The following CSMD1 variants were observed in gnomAD, a reference collection of about 807,000 sequenced individuals.
CSMD1 encodes the protein CUB and sushi domain-containing protein 1.
In CSMD1, 213 loss-of-function variants were observed where a neutral mutation model predicts 417.5. That is an observed-to-expected ratio of 0.51 (90% confidence interval 0.46 to 0.57). CSMD1 has a LOEUF of 0.57. Ranked by LOEUF, CSMD1 falls within the 20% of genes least tolerant of loss-of-function variation. The pLI is 0.00. For synonymous variants in CSMD1, 2,862 were observed against 1,736.8 expected (o/e 1.65, Z -16.11); for missense variants, 6,923 against 4,529.7 (o/e 1.53, Z -15.17).
chr8:3,992,388 T>A (rs1395574940), intron 5 of CSMD1, among the ~76,000 whole-genome samples: 4 of 152,140 alleles, frequency 2.6e-5, no homozygotes, highest in Non-Finnish European at 5.9e-5. Flanking sequence ...TACTATTAAA[T>A]CAATCTAATC....
In CSMD1 at chr8:4,970,037, A is replaced by G. The variant is rs536342981; in HGVS notation, c.85+24295T>C. Among the ~76,000 whole-genome samples, 10 of 152,286 alleles carry G rather than the reference A, an allele frequency of 6.6e-5. No homozygotes were observed. In the South Asian group the frequency reaches 2.1e-3, roughly 32 times the overall value. On this transcript the variant is annotated intron_variant, in intron 1 of 69. Coordinates refer to ENST00000635120, the MANE Select transcript of CSMD1 (RefSeq NM_033225.6). ...GCAATACCTAAAAATTGAAATGCAA[A>G]TGAATGTCCAATAATAGCACACAGA... is the stretch of plus-strand genomic sequence containing the variant.
chr8:4,180,248 T>C (rs1010579489), intron 3 of CSMD1, among the ~76,000 whole-genome samples: 20 of 151,808 alleles, frequency 1.3e-4, no homozygotes, highest in Non-Finnish European at 2.6e-4. Context: ...TATGCAGCAA[T>C]AAAAAATGAT....
rs1554518393 is a variant in CSMD1 at position 3,709,680 on chromosome 8, G to GGCTTTTTT, written c.932-1190_932-1189insAAAAAAGC. On this transcript the variant is annotated intron_variant, in intron 6 of 69. Transcript: ENST00000635120. ...GATGGGCTTTAAATTGCAGCAGCATGTTTTTTTTTTTTTTTTTTTTTTTTT... is the reference window on the plus strand; with the variant it reads ...GATGGGCTTTAAATTGCAGCAGCATGGCTTTTTTTTTTTTTTTTTTTTTTTTTTTTTTT... 4.7e-4 allele frequency among the ~76,000 whole-genome samples: 16 copies of GGCTTTTTT among 33,690 alleles called. 1 individual carries two copies. Among genetic ancestry groups the GGCTTTTTT allele is most frequent in the African/African-American group, 1.4e-3 (13 of 9,430 alleles). The allele number at this position is 33,690 out of a possible 152,430, so 22.1% of individuals were successfully genotyped here.
intron 3 of CSMD1, among the ~76,000 whole-genome samples, chr8:4,371,878 T>C (rs970614341): frequency 5.4e-4 from 82 of 152,338 alleles, no homozygotes; most frequent in Non-Finnish European, 1.2e-4. Context: ...GATTGTGGAC[T>C]GTGGAGGCCA....
At chr8:3,975,879 T>A (rs1037624999) in intron 5 of CSMD1, among the ~76,000 whole-genome samples, 1 of 152,230 alleles carries the variant, frequency 6.6e-6, no homozygotes, top group East Asian at 1.9e-4. Flanking sequence ...ACAAATATTA[T>A]GTTTTCATTA....
At position 4,478,310 on chromosome 8, in the gene CSMD1, G is replaced by C. The variant is rs569639449; in HGVS notation, c.303-58245C>G. Reference sequence around the variant, plus strand: ...TAAAAAGCAACTCAAAGCAACATGAGTTGCCTCATGTGACAGTTTAATTTA... The same window carrying C: ...TAAAAAGCAACTCAAAGCAACATGACTTGCCTCATGTGACAGTTTAATTTA... On this transcript the variant is annotated intron_variant, in intron 2 of 69. Coordinates refer to ENST00000635120, the MANE Select transcript of CSMD1 (RefSeq NM_033225.6). Among the ~76,000 whole-genome samples the C allele has an allele frequency of 2.0e-5, 3 of 152,146 alleles. No individual in the cohort carries two copies. In the South Asian group the frequency reaches 6.2e-4, roughly 32 times the overall value.
intron 3 of CSMD1, among the ~76,000 whole-genome samples, chr8:4,065,284 C>T (rs1369281717): frequency 2.6e-5 from 4 of 152,198 alleles, no homozygotes; most frequent in African/African-American, 9.7e-5. Context: ...TTGGGCAGTG[C>T]TTCCCCATCC....
intron 15 of CSMD1, among the ~76,000 whole-genome samples, chr8:3,402,798 T>G (rs1466344857): frequency 1.3e-5 from 2 of 152,180 alleles, no homozygotes; most frequent in African/African-American, 4.8e-5. Flanking sequence ...TTATAACACT[T>G]GAATTTTATT....
intron 2 of CSMD1, among the ~76,000 whole-genome samples, chr8:4,472,100 C>G (rs137994332): frequency 4.7e-4 from 71 of 152,278 alleles, no homozygotes; most frequent in African/African-American, 1.7e-3. Flanking sequence ...GAGATCTGTT[C>G]TAAAGAATGC....
intron 50 of CSMD1, among the ~76,000 whole-genome samples, chr8:3,032,310 C>A (rs971070792): frequency 5.3e-5 from 8 of 151,606 alleles, no homozygotes; most frequent in African/African-American, 1.7e-4. Flanking sequence ...AGGAGAAATC[C>A]CAAATAATAT....
chr8:4,585,672 A>G (rs1287841747), intron 2 of CSMD1, among the ~76,000 whole-genome samples: 2 of 152,200 alleles, frequency 1.3e-5, no homozygotes, highest in African/African-American at 4.8e-5. Context: ...AGATTTTGCA[A>G]TGGAAAAAAA....
chr8:4,626,307 G>T (rs771029883), intron 2 of CSMD1, among the ~76,000 whole-genome samples: 1 of 151,890 alleles, frequency 6.6e-6, no homozygotes, highest in African/African-American at 2.4e-5. Flanking sequence ...ATTGCGGGGG[G>T]CTGTGCCTTG....
At chr8:3,274,320 T>C (rs1295372492) in intron 26 of CSMD1, among the ~76,000 whole-genome samples, 1 of 152,120 alleles carries the variant, frequency 6.6e-6, no homozygotes, top group South Asian at 2.1e-4. Flanking sequence ...TGTTCTTTTA[T>C]ATTTGCTGAG....
At chr8:4,046,630 T>A (rs1486300395) in intron 3 of CSMD1, among the ~76,000 whole-genome samples, 3 of 152,014 alleles carry the variant, frequency 2.0e-5, no homozygotes, top group Non-Finnish European at 4.4e-5. Flanking sequence ...AATTCCATCA[T>A]AACAAACAAC....
chr8:3,957,259 C>T (rs535035834), intron 5 of CSMD1, among the ~76,000 whole-genome samples: 1 of 152,338 alleles, frequency 6.6e-6, no homozygotes, highest in Non-Finnish European at 1.5e-5. Flanking sequence ...GTAGGTTTCA[C>T]TATCGCAGTG....
intron 1 of CSMD1, among the ~76,000 whole-genome samples, chr8:4,679,983 G>A (rs924131690): frequency 7.9e-5 from 12 of 152,086 alleles, no homozygotes; most frequent in Admixed American, 4.6e-4. Context: ...GAATATTAGC[G>A]ATAACAGCTT....
At chr8:4,661,983 A>G (rs868224228) in intron 1 of CSMD1, among the ~76,000 whole-genome samples, 1 of 152,234 alleles carries the variant, frequency 6.6e-6, no homozygotes, top group East Asian at 1.9e-4. Context: ...TATTCAATAT[A>G]ATTTTGCTCT....
At chr8:2,969,608 C>T (rs1436074438) in intron 57 of CSMD1, among the ~76,000 whole-genome samples, 2 of 152,140 alleles carry the variant, frequency 1.3e-5, no homozygotes, top group African/African-American at 4.8e-5. Flanking sequence ...ATAATTTCAT[C>T]AGGTTTGCAA....
At chr8:3,772,155 C>A (rs1238702074) in intron 5 of CSMD1, among the ~76,000 whole-genome samples, 1 of 130,468 alleles carries the variant, frequency 7.7e-6, no homozygotes, top group Admixed American at 8.5e-5. Flanking sequence ...CTTGAATTCT[C>A]AGAAAGGGCA....
Sources: gnomAD v4.1 joint callset for allele counts (sites outside exome capture counted in the v4.1 genomes callset) on GRCh38, gnomAD v4.1.1 for gene constraint, MANE v1.5 for transcripts, NCBI Gene and HGNC (gene_info 2026-07-23, HGNC 2026-07-21) for gene names.